Variants in ZC3H12B observed in about 807,000 individuals in gnomAD.
The protein encoded by ZC3H12B is probable ribonuclease ZC3H12B.
Under a neutral mutation model 43.9 loss-of-function variants are expected in ZC3H12B, and 7 were observed. The observed-to-expected ratio is 0.16, with a 90% CI of 0.09 to 0.30. The LOEUF (loss-of-function observed/expected upper bound fraction) is 0.30. ZC3H12B is among the 10% of genes least tolerant of loss of function. The probability of loss-of-function intolerance (pLI) is 1.00; values close to 1 mark genes in which losing one functional copy is unlikely to be tolerated. For synonymous variants in ZC3H12B, 222 were observed against 241.7 expected (o/e 0.92, Z 0.76); for missense variants, 475 against 670.2 (o/e 0.71, Z 3.22).
At chrX:65,359,203 C>T in the ZC3H12B span, among the ~76,000 whole-genome samples, 1 of 111,193 alleles carries the variant, frequency 9.0e-6, no homozygotes, top group East Asian at 2.8e-4. Flanking sequence ...GAAAATGCAT[C>T]TAGTCACGCA....
At chrX:65,349,721 A>G in the ZC3H12B span, among the ~76,000 whole-genome samples, 4 of 112,148 alleles carry the variant, frequency 3.6e-5, no homozygotes, top group South Asian at 1.5e-3. Context: ...AGAATACTAT[A>G]AACACCTCTA....
the ZC3H12B span, among the ~76,000 whole-genome samples, chrX:65,081,900 A>T: frequency 8.9e-6 from 1 of 112,187 alleles, no homozygotes; most frequent in Non-Finnish European, 1.9e-5. Context: ...AAGTCTCAAA[A>T]AATTGAAATA....
intron 3 of ZC3H12B, among the ~76,000 whole-genome samples, chrX:65,448,472 A>G (rs954508033): frequency 4.5e-5 from 5 of 111,803 alleles, no homozygotes; most frequent in African/African-American, 1.6e-4. Context: ...ACAATTAACA[A>G]TTGCAAAGAT....
the ZC3H12B span, among the ~76,000 whole-genome samples, chrX:65,163,233 G>A: frequency 2.7e-5 from 3 of 111,657 alleles, no homozygotes; most frequent in Non-Finnish European, 5.7e-5. Context: ...GGACCCACTT[G>A]AGGAGGCAGT....
At chrX:65,442,013 CT>C (rs2067307422) in intron 3 of ZC3H12B, among the ~76,000 whole-genome samples, 1 of 103,665 alleles carries the variant, frequency 9.6e-6, no homozygotes, top group African/African-American at 3.7e-5. Context: ...CAGCAGTTTT[CT>C]TTTTTCCCCT....
the ZC3H12B span, among the ~76,000 whole-genome samples, chrX:65,278,061 T>C: frequency 9.0e-6 from 1 of 111,586 alleles, no homozygotes; most frequent in Admixed American, 9.5e-5. Context: ...TCCATCACAA[T>C]AGATAACATT....
At chrX:65,304,551 G>T in the ZC3H12B span, among the ~76,000 whole-genome samples, 2 of 108,181 alleles carry the variant, frequency 1.8e-5, no homozygotes, top group East Asian at 2.9e-4. Context: ...GGGAGGCGGA[G>T]CTTGCAGTGA....
chrX:65,237,618 A>G, the ZC3H12B span, among the ~76,000 whole-genome samples: 1 of 109,203 alleles, frequency 9.2e-6, no homozygotes, highest in African/African-American at 3.4e-5. Flanking sequence ...GAGTTGTGAG[A>G]TAGGGCATAC....
chrX:65,408,395 G>A (rs2066862262), intron 3 of ZC3H12B: 2 of 1,202,417 alleles, frequency 1.7e-6, no homozygotes, highest in South Asian at 3.5e-5. Flanking sequence ...ACAACAGGTG[G>A]CCCAGGCTGT....
chrX:65,219,958 T>A, the ZC3H12B span, among the ~76,000 whole-genome samples: 1 of 110,836 alleles, frequency 9.0e-6, no homozygotes, highest in East Asian at 2.8e-4. Context: ...GTGAGGCAAA[T>A]GTGTCAGATA....
At chrX:65,383,300 A>C (rs940922358) in intron 2 of ZC3H12B, among the ~76,000 whole-genome samples, 1 of 111,824 alleles carries the variant, frequency 8.9e-6, no homozygotes, top group Non-Finnish European at 1.9e-5. Flanking sequence ...TTAATGCCGC[A>C]TATCTACAAC....
At chrX:65,201,283 G>A in the ZC3H12B span, among the ~76,000 whole-genome samples, 1 of 111,289 alleles carries the variant, frequency 9.0e-6, no homozygotes, top group South Asian at 3.8e-4. Flanking sequence ...TTGAGAAGGT[G>A]GGTGTGTCTA....
the ZC3H12B span, among the ~76,000 whole-genome samples, chrX:65,275,134 C>T: frequency 8.9e-6 from 1 of 112,811 alleles, no homozygotes; most frequent in Non-Finnish European, 1.9e-5. Flanking sequence ...TATAGAAATG[C>T]CCCACTGGCC....
At chrX:65,154,878 C>A in the ZC3H12B span, among the ~76,000 whole-genome samples, 1 of 111,336 alleles carries the variant, frequency 9.0e-6, no homozygotes, top group African/African-American at 3.3e-5. Flanking sequence ...AAATATTTCA[C>A]CATTAAGTAA....
chrX:65,338,609 G>A, the ZC3H12B span, among the ~76,000 whole-genome samples: 1 of 112,120 alleles, frequency 8.9e-6, no homozygotes, highest in African/African-American at 3.2e-5. Flanking sequence ...AGGCAAAAGT[G>A]CTCAAGAAAA....
At chrX:65,099,820 T>C in the ZC3H12B span, among the ~76,000 whole-genome samples, 1 of 111,084 alleles carries the variant, frequency 9.0e-6, no homozygotes, top group Non-Finnish European at 1.9e-5. Flanking sequence ...CAAGAAAGCC[T>C]CATCTCCTCC....
intron 3 of ZC3H12B, among the ~76,000 whole-genome samples, chrX:65,427,949 G>A (rs1421463801): frequency 6.3e-5 from 7 of 111,865 alleles, no homozygotes; most frequent in African/African-American, 1.9e-4. Flanking sequence ...CTCTTGTAAG[G>A]CACATCTGCT....
chrX:65,497,356 T>C (rs1044006813), intron 2 of ZC3H12B, 85 bp downstream of exon 7: 71 of 894,406 alleles, frequency 7.9e-5, no homozygotes, highest in Non-Finnish European at 1.0e-4. Flanking sequence ...TAGATATTTA[T>C]TTTTCAAAGT....
chrX:65,167,231 G>A, the ZC3H12B span, among the ~76,000 whole-genome samples: 1 of 111,734 alleles, frequency 8.9e-6, no homozygotes, highest in African/African-American at 3.3e-5. Context: ...AAGGTGTAAG[G>A]AAGGGATCCA....
Sources: allele counts gnomAD v4.1 joint callset (sites outside exome capture counted in the v4.1 genomes callset), GRCh38; gene constraint gnomAD v4.1.1; transcripts MANE v1.5; gene names NCBI Gene and HGNC (gene_info 2026-07-23, HGNC 2026-07-21).